DLGAP2: variants seen among roughly 807,000 people sequenced by gnomAD.
DLGAP2 encodes disks large-associated protein 2.
In DLGAP2, 26 loss-of-function variants were observed where a neutral mutation model predicts 100.3. The ratio of observed to expected loss-of-function variants is 0.26; its 90% confidence interval spans 0.19 to 0.36. DLGAP2 has a LOEUF of 0.36. DLGAP2 is among the 10% of genes least tolerant of loss of function. The pLI is 1.00. For synonymous variants in DLGAP2, 886 were observed against 630.1 expected, an observed-to-expected ratio of 1.41 and a Z score of -6.08; for missense variants, 1,858 against 1,453.2, an observed-to-expected ratio of 1.28 and a Z score of -4.53.
chr8:995,865 A>T (rs1800769846), intron 2 of DLGAP2, among the ~76,000 whole-genome samples: 1 of 152,178 alleles, frequency 6.6e-6, no homozygotes, highest in Non-Finnish European at 1.5e-5. Flanking sequence ...TGGAGGGTTA[A>T]GCTTATGGCT....
intron 1 of DLGAP2, among the ~76,000 whole-genome samples, chr8:764,787 G>A (rs1305029674): frequency 1.3e-5 from 2 of 152,092 alleles, no homozygotes; most frequent in Admixed American, 1.3e-4. Context: ...TTCTCTCATA[G>A]GTATAACTGT....
At chr8:1,420,997 G>A (rs1450126717) in intron 3 of DLGAP2, among the ~76,000 whole-genome samples, 1 of 152,182 alleles carries the variant, frequency 6.6e-6, no homozygotes, top group Non-Finnish European at 1.5e-5. Context: ...TCTCTCATGG[G>A]CTGTAGCTCC....
At chr8:935,546 C>T (rs1799051248) in intron 2 of DLGAP2, among the ~76,000 whole-genome samples, 1 of 152,152 alleles carries the variant, frequency 6.6e-6, no homozygotes, top group Admixed American at 6.5e-5. Flanking sequence ...GTTAATAAAG[C>T]CATAAATGGC....
chr8:888,707 G>A (rs1490554824), intron 1 of DLGAP2, among the ~76,000 whole-genome samples: 1 of 151,874 alleles, frequency 6.6e-6, no homozygotes, highest in African/African-American at 2.4e-5. Context: ...TGTGCCTGGA[G>A]ATGTCACTCA....
At chr8:856,191 T>TCTTCTTCTTC (rs1563065844) in intron 1 of DLGAP2, among the ~76,000 whole-genome samples, 47 of 60,334 alleles carry the variant, frequency 7.8e-4, no homozygotes, top group Middle Eastern at 0.016. Flanking sequence ...TCTTCTTTTT[T>TCTTCTTCTTC]TTTTTTTTTT....
intron 2 of DLGAP2, among the ~76,000 whole-genome samples, chr8:1,004,588 C>G (rs777773280): frequency 2.0e-5 from 3 of 152,194 alleles, no homozygotes; most frequent in Admixed American, 2.0e-4. Flanking sequence ...TGTATAGTGC[C>G]TGTGAAGGGA....
intron 2 of DLGAP2, among the ~76,000 whole-genome samples, chr8:976,661 T>C (rs552202471): frequency 2.0e-5 from 3 of 152,232 alleles, no homozygotes; most frequent in African/African-American, 7.2e-5. Flanking sequence ...GGCCAACCAA[T>C]CTTTGACAAA....
At chr8:1,307,880 C>G (rs911880636) in intron 3 of DLGAP2, among the ~76,000 whole-genome samples, 1 of 152,082 alleles carries the variant, frequency 6.6e-6, no homozygotes, top group Non-Finnish European at 1.5e-5. Flanking sequence ...GGAAGGAGAA[C>G]TAGGTAGTTA....
intron 3 of DLGAP2, among the ~76,000 whole-genome samples, chr8:1,465,739 G>A (rs911788958): frequency 3.3e-5 from 5 of 152,218 alleles, no homozygotes; most frequent in African/African-American, 9.6e-5. Flanking sequence ...GCTCTGTGTT[G>A]CTAGCAGACC....
chr8:940,128 C>CGT, intron 2 of DLGAP2, among the ~76,000 whole-genome samples: 1 of 152,104 alleles, frequency 6.6e-6, no homozygotes, highest in East Asian at 1.9e-4. Context: ...GGGCGTGGGG[C>CGT]GTGGGGCCTG....
intron 2 of DLGAP2, among the ~76,000 whole-genome samples, chr8:1,253,026 C>A (rs1208279830): frequency 6.6e-6 from 1 of 152,208 alleles, no homozygotes; most frequent in Non-Finnish European, 1.5e-5. Context: ...CAGCCCTCAT[C>A]CCGCTGTCCC....
At chr8:1,197,797 C>G (rs928442585) in intron 2 of DLGAP2, among the ~76,000 whole-genome samples, 6 of 152,248 alleles carry the variant, frequency 3.9e-5, no homozygotes, top group Admixed American at 2.0e-4. Flanking sequence ...ACCGCACTAC[C>G]TTTTTCATCT....
At chr8:1,168,975 G>C (rs1229491477) in intron 2 of DLGAP2, among the ~76,000 whole-genome samples, 10 of 146,160 alleles carry the variant, frequency 6.8e-5, no homozygotes, top group Admixed American at 1.4e-4. Flanking sequence ...GTCCTGAATG[G>C]TATTGCCTAG....
intron 2 of DLGAP2, among the ~76,000 whole-genome samples, chr8:1,154,704 A>G (rs1183847643): frequency 2.0e-5 from 3 of 152,150 alleles, no homozygotes; most frequent in Non-Finnish European, 2.9e-5. Context: ...GCAGTCGAGG[A>G]CCGAGCTGCC....
chr8:798,292 G>A (rs1368020647), intron 1 of DLGAP2, among the ~76,000 whole-genome samples: 5 of 148,558 alleles, frequency 3.4e-5, no homozygotes, highest in African/African-American at 5.0e-5. Context: ...GTGCCCCGGC[G>A]CTGGCCAGGT....
intron 3 of DLGAP2, among the ~76,000 whole-genome samples, chr8:1,444,568 A>G (rs1308596879): frequency 6.6e-6 from 1 of 152,050 alleles, no homozygotes; most frequent in African/African-American, 2.4e-5. Flanking sequence ...CAAAGAGCAC[A>G]TTGACAATGC....
At chr8:1,691,368 G>A (rs971060925) in intron 12 of DLGAP2, among the ~76,000 whole-genome samples, 167 bp from the exon 13 acceptor site, 22 of 152,202 alleles carry the variant, frequency 1.4e-4, no homozygotes, top group Admixed American at 1.4e-3. Context: ...ATGAGTTGGG[G>A]ACGAGCACAC....
rs1307890204 is a variant in DLGAP2, at chr8:1,706,697, G to A, written c.*5291G>A. ...TCAATCGCCTCTTAGATGAAATGAG[G>A]AGATAAACTAAACATTAAAATGATG... On this transcript the variant is annotated 3_prime_UTR_variant, in exon 15 of 15. Transcript: ENST00000637795. 1 of 152,118 alleles carries A rather than the reference G, an allele frequency of 6.6e-6. No individual in the cohort carries two copies. Among genetic ancestry groups the A allele is most frequent in the African/African-American group, 2.4e-5 (1 of 41,426 alleles). 9.4% of individuals were successfully genotyped at this position (152,118 alleles called of 1,614,324 possible).
intron 4 of DLGAP2, among the ~76,000 whole-genome samples, chr8:1,538,530 A>G (rs1801233061): frequency 6.6e-6 from 1 of 152,190 alleles, no homozygotes; most frequent in Non-Finnish European, 1.5e-5. Context: ...CCATTTTGTG[A>G]AAAGATGAAA....
Sources: allele counts gnomAD v4.1 joint callset (sites outside exome capture counted in the v4.1 genomes callset), GRCh38; gene constraint gnomAD v4.1.1; transcripts MANE v1.5; gene names NCBI Gene and HGNC (gene_info 2026-07-23, HGNC 2026-07-21).